Variants in RPS27A observed in about 807,000 individuals in gnomAD.
RPS27A encodes the protein ubiquitin-ribosomal protein eS31 fusion protein.
RPS27A carries 1 observed loss-of-function variant against 18.9 expected under a neutral mutation model. The observed-to-expected ratio is 0.05, with a 90% CI of 0.02 to 0.25. RPS27A has a LOEUF of 0.25. Among genes scored for constraint, RPS27A ranks in the 10% least tolerant of loss-of-function variants. The probability of loss-of-function intolerance (pLI) is 1.00; values close to 1 mark genes in which losing one functional copy is unlikely to be tolerated. For synonymous variants in RPS27A, 77 were observed against 63.7 expected, an observed-to-expected ratio of 1.21 and a Z score of -0.99; for missense variants, 123 against 187.4, an observed-to-expected ratio of 0.66 and a Z score of 2.01.
rs1675749483 is a variant in RPS27A at position 55,235,621 on chromosome 2, G to A, written c.*44G>A. The A allele has an allele frequency of 6.3e-7, 1 of 1,592,568 alleles. No homozygotes were observed. The highest frequency in any genetic ancestry group is 1.1e-5 in the South Asian group (1 of 90,862). The stretch of plus-strand genomic sequence containing the variant: ...GACATGAACTAACATTTATTGTTGG[G>A]TTTTATTGCAGTAAAAAGAATGGTT... On this transcript the variant is annotated 3_prime_UTR_variant, in exon 6 of 6. Coordinates refer to ENST00000272317, the MANE Select transcript of RPS27A (RefSeq NM_002954.6).
In RPS27A at chr2:55,235,654, AC is replaced by A; in HGVS notation, c.*79del. 6.7e-7 allele frequency: 1 copy of A among 1,497,934 alleles called. No homozygotes were observed. Among genetic ancestry groups the A allele is most frequent in the Non-Finnish European group, 9.2e-7 (1 of 1,089,332 alleles). 92.8% of individuals were successfully genotyped at this position (1,497,934 alleles called of 1,614,324 possible). Reference sequence around the variant, plus strand: ...GCAGTAAAAAGAATGGTTTTTAAGCACCAAATTGATGGTCACACCATTTCCT... The same window carrying A: ...GCAGTAAAAAGAATGGTTTTTAAGCACAAATTGATGGTCACACCATTTCCT... On this transcript the variant is annotated 3_prime_UTR_variant, in exon 6 of 6. Transcript: ENST00000272317.
In RPS27A at chr2:55,235,770, C is replaced by T. The variant is rs1191368818; in HGVS notation, c.*193C>T. 3.2e-6 allele frequency: 2 copies of T among 631,908 alleles called. No individual in the cohort carries two copies. Among genetic ancestry groups the T allele is most frequent in the African/African-American group, 3.7e-5 (2 of 54,740 alleles). The allele number at this position is 631,908 out of a possible 1,614,324, so 39.1% of individuals were successfully genotyped here. ...CTGTATACCTGCCAGGTGCCAACCA[C>T]TTGTAAAGGTCTTGATATTTTCAAT... On this transcript the variant is annotated 3_prime_UTR_variant, in exon 6 of 6. Transcript: ENST00000272317.
intron 5 of RPS27A, 200 bp from the exon 6 acceptor site, chr2:55,235,228 C>T (rs1675729160): frequency 1.4e-6 from 1 of 720,576 alleles, no homozygotes; most frequent in East Asian, 2.7e-5. Flanking sequence ...GCAAAGCTGG[C>T]CTTTAGTGTT....
At chr2:55,233,686 T>C in intron 3 of RPS27A, 1 of 513,684 alleles carries the variant, frequency 1.9e-6, no homozygotes, top group East Asian at 3.6e-5. Flanking sequence ...CTGGAGTGCA[T>C]TCGCTTGTCC....
intron 4 of RPS27A, 119 bp downstream of exon 4, chr2:55,234,323 G>C: frequency 1.3e-6 from 1 of 748,088 alleles, no homozygotes; most frequent in Non-Finnish European, 2.4e-6. Flanking sequence ...GAGTGGCGCA[G>C]TCACTGCAAC....
intron 4 of RPS27A, 177 bp from the exon 5 acceptor site, chr2:55,234,654 T>C: frequency 1.4e-6 from 1 of 709,984 alleles, no homozygotes; most frequent in Non-Finnish European, 2.4e-6. Context: ...TAATGCATTC[T>C]TTAATGTCCC....
chr2:55,233,985 C>A (rs1020395772), intron 3 of RPS27A, 134 bp from the exon 4 acceptor site: 2 of 733,578 alleles, frequency 2.7e-6, no homozygotes, highest in Non-Finnish European at 2.5e-6. Context: ...GATTTAGAAC[C>A]ATGCCTAACC....
chr2:55,235,694 C>T lies in RPS27A; in HGVS notation c.*117C>T, dbSNP rs895086091. The stretch of plus-strand genomic sequence containing the variant: ...ACACCATTTCCTTTTAGTAGTGCTA[C>T]TGCTATCGCTGTGTGAATGTTGCCT... On this transcript the variant is annotated 3_prime_UTR_variant, in exon 6 of 6. Transcript: ENST00000272317. 1.0e-5 allele frequency: 12 copies of T among 1,159,944 alleles called. No individual in the cohort carries two copies. The highest frequency in any genetic ancestry group is 1.8e-5 in the Admixed American group (1 of 55,638). The allele number at this position is 1,159,944 out of a possible 1,614,324, so 71.9% of individuals were successfully genotyped here.
intron 4 of RPS27A, 29 bp downstream of exon 4, chr2:55,234,233 TAAA>T (rs112330410): frequency 9.3e-6 from 13 of 1,393,258 alleles, no homozygotes; most frequent in Non-Finnish European, 1.2e-5. Flanking sequence ...CAGCCTCTTT[TAAA>T]AAAAAAATGT....
chr2:55,233,651 G>C lies in RPS27A; in HGVS notation c.103+234G>C, dbSNP rs1675621842. 1.0e-4 allele frequency: 56 copies of C among 551,512 alleles called. 2 individuals are homozygous for C. The South Asian group carries it at 1.1e-3, about 11-fold the overall frequency. The allele number at this position is 551,512 out of a possible 1,614,324, so 34.2% of individuals were successfully genotyped here. On this transcript the variant is annotated intron_variant, in intron 3 of 5. Coordinates refer to ENST00000272317, the MANE Select transcript of RPS27A (RefSeq NM_002954.6). Reference sequence around the variant, plus strand: ...ACACTTATTTATTTATTTTGTGTGAGATGGAGTCTCCTCTGTCGCCCAGGC... The same window carrying C: ...ACACTTATTTATTTATTTTGTGTGACATGGAGTCTCCTCTGTCGCCCAGGC...
At chr2:55,234,731 T>C in intron 4 of RPS27A, 100 bp from the exon 5 acceptor site, 2 of 1,366,242 alleles carry the variant, frequency 1.5e-6, no homozygotes, top group South Asian at 2.4e-5. Context: ...CCTCAAATGT[T>C]ATTGTGTGCT....
chr2:55,234,235 A>T (rs748067524), intron 4 of RPS27A, 31 bp downstream of exon 4: 2 of 1,462,372 alleles, frequency 1.4e-6, no homozygotes, highest in Non-Finnish European at 1.9e-6. Context: ...GCCTCTTTTA[A>T]AAAAAAAATG....
intron 3 of RPS27A, chr2:55,233,697 C>T: frequency 2.0e-6 from 1 of 498,828 alleles, no homozygotes; most frequent in South Asian, 2.1e-5. Flanking sequence ...TCGCTTGTCC[C>T]GGCTTACTGC....
intron 4 of RPS27A, 107 bp from the exon 5 acceptor site, chr2:55,234,724 C>A: frequency 1.5e-6 from 2 of 1,325,580 alleles, no homozygotes; most frequent in Non-Finnish European, 2.1e-6. Context: ...AAGATTCCCT[C>A]AAATGTTATT....
rs759157952 is a variant in RPS27A at position 55,234,959 on chromosome 2, T to C, written c.318T>C (p.Tyr106=). 9 of 1,612,954 alleles carry C rather than the reference T, an allele frequency of 5.6e-6. No homozygotes were observed. Among genetic ancestry groups the C allele is most frequent in the Non-Finnish European group, 6.8e-6 (8 of 1,179,792 alleles). ...TTAAGCTGGCTGTCCTGAAATATTA[T>C]AAGGTGAGCCAGTTAAAGGGCAGAA... ...KKVKLAVLKY[Y]KVDENGKISR... Residue 106 remains tyrosine, a synonymous_variant, in exon 5 of 6, where the codon TAT becomes TAC. Transcript: ENST00000272317.
rs369376992 is a variant in RPS27A, at chr2:55,232,802, C to T, written c.-17-6C>T. ...TAACCTGTCTCTTCCTTTTCCTCAACCTCAGGTGGAGCCGCCACCAAAATG... is the reference window on the plus strand; with the variant it reads ...TAACCTGTCTCTTCCTTTTCCTCAATCTCAGGTGGAGCCGCCACCAAAATG... On this transcript the variant is annotated splice_polypyrimidine_tract_variant and splice_region_variant and intron_variant, in intron 1 of 5. Coordinates refer to ENST00000272317, the MANE Select transcript of RPS27A (RefSeq NM_002954.6). The T allele has an allele frequency of 2.1e-5, 34 of 1,608,804 alleles. No homozygotes were observed. Among genetic ancestry groups the T allele is most frequent in the Admixed American group, 5.0e-5 (3 of 59,488 alleles).
chr2:55,233,198 T>G (rs925261826), intron 2 of RPS27A, 165 bp from the exon 3 acceptor site: 45 of 719,588 alleles, frequency 6.3e-5, no homozygotes, highest in Non-Finnish European at 1.0e-4. Flanking sequence ...ATGAAGGTGC[T>G]TTCCGGTAGC....
rs750427691 is a variant in RPS27A, at chr2:55,232,959, G to A, written c.48+87G>A. ...GACCGGCGCTGCTTTCCATGTCTTA[G>A]ACCATGATTCCGAATTTGGGTTCTA... On this transcript the variant is annotated intron_variant, in intron 2 of 5. Coordinates refer to ENST00000272317, the MANE Select transcript of RPS27A (RefSeq NM_002954.6). The A allele has an allele frequency of 9.1e-6, 10 of 1,103,696 alleles. No homozygotes were observed. In the Admixed American group the frequency reaches 1.6e-4, roughly 17 times the overall value. 68.4% of individuals were successfully genotyped at this position (1,103,696 alleles called of 1,614,324 possible). A position where few individuals can be genotyped will look rare whatever the true frequency, so the allele number is the denominator to read the frequency against.
intron 2 of RPS27A, 192 bp downstream of exon 2, chr2:55,233,064 C>T (rs944244245): frequency 7.4e-6 from 5 of 676,006 alleles, no homozygotes; most frequent in South Asian, 1.7e-5. Context: ...CTGGACCTGT[C>T]TCCTCTCGAG....
Sources: gnomAD v4.1 joint callset for allele counts on GRCh38, gnomAD v4.1.1 for gene constraint, MANE v1.5 for transcripts, NCBI Gene and HGNC (gene_info 2026-07-23, HGNC 2026-07-21) for gene names.